The following CAPN7 variants were observed in gnomAD, a reference collection of about 807,000 sequenced individuals.
CAPN7 encodes the protein calpain-7.
A neutral mutation model predicts 115.2 loss-of-function variants in CAPN7; 72 were observed. The ratio of observed to expected loss-of-function variants is 0.63; its 90% CI spans 0.52 to 0.76. The LOEUF (loss-of-function observed/expected upper bound fraction) is 0.76, where lower values mean the gene tolerates loss of function less well. CAPN7 is among the 30% of genes least tolerant of loss of function. The pLI is 0.00. For synonymous variants in CAPN7, 344 were observed against 322.3 expected, an observed-to-expected ratio of 1.07 and a Z score of -0.72; for missense variants, 905 against 971.5, an observed-to-expected ratio of 0.93 and a Z score of 0.91.
chr3:15,237,421 T>C (rs1695057495), intron 12 of CAPN7, among the ~76,000 whole-genome samples: 1 of 149,976 alleles, frequency 6.7e-6, no homozygotes, highest in Non-Finnish European at 1.5e-5. Context: ...CATTTCATTA[T>C]ATGGTGCATG....
chr3:15,244,765 TA>T (rs1454867885), intron 16 of CAPN7, among the ~76,000 whole-genome samples: 2 of 152,084 alleles, frequency 1.3e-5, no homozygotes, highest in Non-Finnish European at 2.9e-5. Flanking sequence ...ATATTGAAAA[TA>T]ATCTGAATAT....
intron 2 of CAPN7, among the ~76,000 whole-genome samples, chr3:15,215,512 C>G (rs1208708639): frequency 6.6e-6 from 1 of 152,202 alleles, no homozygotes; most frequent in Admixed American, 6.5e-5. Context: ...CCTCCCTCCC[C>G]CTAGCCACCA....
intron 17 of CAPN7, chr3:15,246,058 C>T (rs967796760): frequency 2.5e-5 from 4 of 157,062 alleles, no homozygotes; most frequent in African/African-American, 9.6e-5. Flanking sequence ...TCTGCCTCAG[C>T]CTCCTGGGTA....
chr3:15,238,194 A>G (rs1695115049), intron 12 of CAPN7, among the ~76,000 whole-genome samples: 1 of 140,830 alleles, frequency 7.1e-6, no homozygotes, highest in Admixed American at 7.4e-5. Flanking sequence ...GCTCATTGCA[A>G]GCTCCGCCTC....
intron 10 of CAPN7, 104 bp downstream of exon 10, chr3:15,232,769 A>G: frequency 1.0e-6 from 1 of 965,256 alleles, no homozygotes; most frequent in South Asian, 2.0e-5. Context: ...AGGGAAAGAG[A>G]GCAGATTATC....
At position 15,251,311 on chromosome 3, in the gene CAPN7, C is replaced by T. The variant is rs773555858; in HGVS notation, c.*51C>T. 1 of 1,421,716 alleles carries T rather than the reference C, an allele frequency of 7.0e-7. No individual in the cohort carries two copies. Among genetic ancestry groups the T allele is most frequent in the South Asian group, 1.3e-5 (1 of 74,554 alleles). The allele number at this position is 1,421,716 out of a possible 1,614,324, so 88.1% of individuals were successfully genotyped here. A position where few individuals can be genotyped will look rare whatever the true frequency, so the allele number is the denominator to read the frequency against. On this transcript the variant is annotated 3_prime_UTR_variant, in exon 21 of 21. Transcript: ENST00000253693. ...TTATACTTACCAAACATCAGTTCTT[C>T]AAATAAGGACGCAAATCTTCAGGAC...
rs888470778 is a variant in CAPN7, at chr3:15,236,012, T to TA, written c.1407+876dup. ...AGTAAGACCCCACCGCTACAAAAAATAAAAAAAAATTAGCTGGGCATGGTG... is the reference window on the plus strand; with the variant it reads ...AGTAAGACCCCACCGCTACAAAAAATAAAAAAAAAATTAGCTGGGCATGGTG... On this transcript the variant is annotated intron_variant, in intron 12 of 20. Coordinates refer to ENST00000253693, the MANE Select transcript of CAPN7 (RefSeq NM_014296.3). Among the ~76,000 whole-genome samples, 292 of 151,092 alleles carry TA rather than the reference T, an allele frequency of 1.9e-3. 2 individuals are homozygous for TA. The highest frequency in any genetic ancestry group is 5.5e-3 in the African/African-American group (227 of 41,172).
intron 12 of CAPN7, among the ~76,000 whole-genome samples, chr3:15,236,337 C>A (rs1694991065): frequency 6.6e-6 from 1 of 152,180 alleles, no homozygotes; most frequent in African/African-American, 2.4e-5. Flanking sequence ...TATTTGACTT[C>A]ATTACTTCTG....
chr3:15,225,443 T>C (rs564824235), intron 6 of CAPN7, among the ~76,000 whole-genome samples: 1 of 152,252 alleles, frequency 6.6e-6, no homozygotes, highest in Non-Finnish European at 1.5e-5. Context: ...AACAAATTAA[T>C]GTAAATCATA....
intron 6 of CAPN7, among the ~76,000 whole-genome samples, chr3:15,227,138 AG>A (rs1559396818): frequency 3.3e-5 from 5 of 151,784 alleles, no homozygotes. Flanking sequence ...GTTTAGGGAA[AG>A]GGGGAAAGGT....
intron 3 of CAPN7, 147 bp from the exon 4 acceptor site, chr3:15,218,326 T>G: frequency 1.6e-6 from 1 of 632,168 alleles, no homozygotes; most frequent in Non-Finnish European, 2.8e-6. Context: ...AAATGATACC[T>G]TTAAGGATGA....
intron 5 of CAPN7, 179 bp downstream of exon 5, chr3:15,221,160 T>C (rs1435061623): frequency 4.3e-6 from 2 of 460,992 alleles, no homozygotes; most frequent in Non-Finnish European, 7.7e-6. Context: ...AGTTCTGATA[T>C]ATTTTATTTT....
In CAPN7 at chr3:15,230,947, T is replaced by C. The variant is rs113488726; in HGVS notation, c.1032+412T>C. Reference sequence around the variant, plus strand: ...GAAATTATTTCCTTTTAAATATATATGCATAATTTTAATTCACACAAATTT... The same window carrying C: ...GAAATTATTTCCTTTTAAATATATACGCATAATTTTAATTCACACAAATTT... On this transcript the variant is annotated intron_variant, in intron 9 of 20. Coordinates refer to ENST00000253693, the MANE Select transcript of CAPN7 (RefSeq NM_014296.3). Among the ~76,000 whole-genome samples, 418 of 152,324 alleles carry C rather than the reference T, an allele frequency of 2.7e-3. 6 individuals are homozygous for C. The highest frequency in any genetic ancestry group is 9.6e-3 in the African/African-American group (398 of 41,572).
Position 15,229,043 on chromosome 3 carries a change from A to G in CAPN7, c.922A>G (p.Lys308Glu). ...ISAAYERRFN[K>E]KLITGIIYPQ... ...TGCAGCTTATGAAAGACGTTTTAATAAGAAGTTAATTACCGGGTAAAAATG... is the reference window on the plus strand; with the variant it reads ...TGCAGCTTATGAAAGACGTTTTAATGAGAAGTTAATTACCGGGTAAAAATG... Residue 308 changes from lysine to glutamate, a missense_variant, in exon 8 of 21, where the codon AAG (lysine) becomes GAG (glutamate). By Grantham distance (56) the Lys-to-Glu change is moderately conservative. This residue lies in a region of CAPN7 where 620 missense variants were observed against 703.4 expected (regional missense o/e 0.88). Transcript: ENST00000253693. 1 of 1,612,820 alleles carries G rather than the reference A, an allele frequency of 6.2e-7. No individual in the cohort carries two copies. The highest frequency in any genetic ancestry group is 8.5e-7 in the Non-Finnish European group (1 of 1,178,986).
At chr3:15,245,695 A>G (rs1367846832) in intron 17 of CAPN7, 24 bp downstream of exon 17, 2 of 1,604,074 alleles carry the variant, frequency 1.2e-6, no homozygotes, top group African/African-American at 1.3e-5. Flanking sequence ...ACACACAATG[A>G]CAAAACACAG....
intron 3 of CAPN7, among the ~76,000 whole-genome samples, 197 bp downstream of exon 3, chr3:15,217,779 A>C (rs1254192141): frequency 6.6e-6 from 1 of 152,266 alleles, no homozygotes; most frequent in African/African-American, 2.4e-5. Flanking sequence ...TAAAATTTTG[A>C]AAGTATTGAG....
chr3:15,223,687 T>C, intron 6 of CAPN7, 126 bp downstream of exon 6: 1 of 628,758 alleles, frequency 1.6e-6, no homozygotes, highest in Non-Finnish European at 2.8e-6. Flanking sequence ...GGGGTGGCTG[T>C]GGGAAAGGGA....
Position 15,220,772 on chromosome 3 carries a change from CTG to C in CAPN7, c.438-7_438-6del. The stretch of plus-strand genomic sequence containing the variant: ...AACTAGAACAGTTGTTTGTTCCTCT[CTG>C]TTATAGAGCAGAAGCGCTGAGTGAG... On this transcript the variant is annotated splice_region_variant and splice_polypyrimidine_tract_variant and intron_variant, in intron 4 of 20. Transcript: ENST00000253693. 6.2e-7 allele frequency: 1 copy of C among 1,613,642 alleles called. No individual in the cohort carries two copies. The highest frequency in any genetic ancestry group is 1.3e-5 in the African/African-American group (1 of 75,038).
chr3:15,219,895 ACATT>A (rs1287395295), intron 4 of CAPN7, among the ~76,000 whole-genome samples: 1 of 152,172 alleles, frequency 6.6e-6, no homozygotes, highest in African/African-American at 2.4e-5. Context: ...CACAGGGGCA[ACATT>A]CATTCTTTTG....
Sources: gnomAD v4.1 joint callset for allele counts (sites outside exome capture counted in the v4.1 genomes callset) on GRCh38, gnomAD v4.1.1 for gene constraint, gnomAD v4.1.1 regional missense constraint, MANE v1.5 for transcripts, NCBI Gene and HGNC (gene_info 2026-07-23, HGNC 2026-07-21) for gene names.